The following FAHD1 variants were observed in gnomAD, a reference collection of about 807,000 sequenced individuals.
FAHD1 encodes oxaloacetate tautomerase FAHD1, mitochondrial.
Under a neutral mutation model 12.7 loss-of-function variants are expected in FAHD1, and 14 were observed. The observed-to-expected ratio is 1.10, with a 90% CI of 0.73 to 1.72. FAHD1 has a LOEUF of 1.72. FAHD1 is among the 40% of genes most tolerant of loss of function. The pLI is 0.00. For synonymous variants in FAHD1, 153 were observed against 124.9 expected (o/e 1.22, Z -1.50); for missense variants, 351 against 298.9 (o/e 1.17, Z -1.29).
chr16:1,836,447 A>G (rs558489538), intron 1 of FAHD1, among the ~76,000 whole-genome samples: 1 of 152,290 alleles, frequency 6.6e-6, no homozygotes, highest in South Asian at 2.1e-4. Context: ...CTGGAGGGAA[A>G]GTATACAGGG....
chr16:1,838,050 G>T, exon 2 of FAHD1: 1 of 1,202,222 alleles, frequency 8.3e-7, no homozygotes, highest in South Asian at 1.6e-5. Flanking sequence ...AAGCTGGAGT[G>T]CAGCAGTGCT....
At chr16:1,835,308 T>C (rs1351995925) in intron 1 of FAHD1, among the ~76,000 whole-genome samples, 2 of 152,024 alleles carry the variant, frequency 1.3e-5, no homozygotes, top group Non-Finnish European at 2.9e-5. Context: ...TTAATGTGTG[T>C]TCAAACTACC....
downstream of FAHD1, among the ~76,000 whole-genome samples, chr16:1,833,169 G>A (rs937566342): frequency 6.6e-6 from 1 of 152,190 alleles, no homozygotes; most frequent in Non-Finnish European, 1.5e-5. Context: ...TCTCAATGGT[G>A]TGCAGTTGAG....
chr16:1,834,045 G>C, intron 1 of FAHD1: 1 of 436,242 alleles, frequency 2.3e-6, no homozygotes. Context: ...GAGGAGACAA[G>C]GCAAAGACAG....
chr16:1,828,399 G>A lies in FAHD1; in HGVS notation c.*495G>A, dbSNP rs1413770983. The A allele has an allele frequency of 1.3e-5, 13 of 1,001,426 alleles. No homozygotes were observed. The South Asian group carries it at 4.7e-4, about 36-fold the overall frequency. 62.0% of individuals were successfully genotyped at this position (1,001,426 alleles called of 1,614,324 possible). A position where few individuals can be genotyped will look rare whatever the true frequency, so the allele number is the denominator to read the frequency against. ...AACGGGTGGGCCAGAAATGAAAACA[G>A]GCAAGTAAAGTATTTCTTCGGAAAA... is the stretch of plus-strand genomic sequence containing the variant. On this transcript the variant is annotated 3_prime_UTR_variant, in exon 1 of 1. Coordinates refer to ENST00000427358, the Ensembl canonical transcript of FAHD1.
rs201222503 is a variant in FAHD1, at chr16:1,827,940, A to G, written c.*36A>G. 8 of 1,592,334 alleles carry G rather than the reference A, an allele frequency of 5.0e-6. No homozygotes were observed. The African/African-American group carries it at 8.1e-5, about 16-fold the overall frequency. ...AACAAGTTTCGAGAGAGAAGGGAGC[A>G]AGACAAGAGCAAGCAACGGCTATTA... On this transcript the variant is annotated 3_prime_UTR_variant, in exon 1 of 1. Transcript: ENST00000427358.
chr16:1,828,021 C>T, exon 1 of FAHD1: 1 of 1,484,822 alleles, frequency 6.7e-7, no homozygotes, highest in Non-Finnish European at 8.9e-7. Context: ...GTGGCTCACG[C>T]CTGTAATCGC....
chr16:1,837,633 C>T (rs1898785065), intron 1 of FAHD1: 1 of 482,264 alleles, frequency 2.1e-6, no homozygotes, highest in Non-Finnish European at 3.7e-6. Flanking sequence ...TGGCTATTTC[C>T]TTTGCTTTTA....
chr16:1,838,370 G>T (rs906343735), intron 2 of FAHD1, among the ~76,000 whole-genome samples: 13 of 152,256 alleles, frequency 8.5e-5, no homozygotes, highest in African/African-American at 3.1e-4. Flanking sequence ...AGGTAATCAG[G>T]TATCTCAGCA....
chr16:1,828,147 G>A, exon 1 of FAHD1: 1 of 858,604 alleles, frequency 1.2e-6, no homozygotes, highest in Non-Finnish European at 1.6e-6. Flanking sequence ...CGGGCGTGGT[G>A]GCGGGCGCCT....
At chr16:1,835,584 G>C (rs1025990462) in intron 1 of FAHD1, among the ~76,000 whole-genome samples, 5 of 152,178 alleles carry the variant, frequency 3.3e-5, no homozygotes, top group Non-Finnish European at 5.9e-5. Flanking sequence ...CCTTTCAATG[G>C]AATGTTGTGG....
chr16:1,836,070 G>A (rs1410587696), intron 1 of FAHD1, among the ~76,000 whole-genome samples: 2 of 152,022 alleles, frequency 1.3e-5, no homozygotes, highest in African/African-American at 4.8e-5. Context: ...ATCTTGGACA[G>A]GCTGGTCATG....
chr16:1,834,932 T>C (rs1596958665), intron 1 of FAHD1, among the ~76,000 whole-genome samples: 6 of 106,214 alleles, frequency 5.6e-5, no homozygotes, highest in African/African-American at 7.0e-5. Context: ...CGAAACTCTG[T>C]CCCCCCCACC....
downstream of FAHD1, among the ~76,000 whole-genome samples, chr16:1,833,686 C>T (rs921125674): frequency 6.6e-6 from 1 of 151,648 alleles, no homozygotes; most frequent in Non-Finnish European, 1.5e-5. Flanking sequence ...CTCAGCCTCC[C>T]GAGTAGCTGG....
At chr16:1,827,462 T>C (rs1192315944) in exon 1 of FAHD1, 5 of 1,610,988 alleles carry the variant, frequency 3.1e-6, no homozygotes, top group Admixed American at 3.3e-5. Context: ...GGCGTGGTGA[T>C]GGGCAAGCGC....
downstream of FAHD1, among the ~76,000 whole-genome samples, chr16:1,831,400 A>G (rs1268869752): frequency 6.6e-6 from 1 of 152,192 alleles, no homozygotes; most frequent in Non-Finnish European, 1.5e-5. Context: ...TCTGGGCTGG[A>G]TATCAGCTTC....
downstream of FAHD1, among the ~76,000 whole-genome samples, chr16:1,831,769 T>C (rs979548468): frequency 1.3e-5 from 2 of 152,190 alleles, no homozygotes; most frequent in South Asian, 2.1e-4. Context: ...AGATCAGTGG[T>C]GGCATGAGAT....
At chr16:1,829,528 A>G (rs140916749), downstream of FAHD1, among the ~76,000 whole-genome samples, 1 of 152,318 alleles carries the variant, frequency 6.6e-6, no homozygotes, top group East Asian at 1.9e-4. Flanking sequence ...TGCATCTTGT[A>G]AGTAGATACA....
At chr16:1,837,863 T>C in intron 1 of FAHD1, 1 of 1,512,370 alleles carries the variant, frequency 6.6e-7, no homozygotes, top group Non-Finnish European at 8.9e-7. Flanking sequence ...TGCAAGAAAC[T>C]CATGTACCTG....
Sources: allele counts gnomAD v4.1 joint callset (sites outside exome capture counted in the v4.1 genomes callset), GRCh38; gene constraint gnomAD v4.1.1; transcripts MANE v1.5; gene names NCBI Gene and HGNC (gene_info 2026-07-23, HGNC 2026-07-21).